The following KLHL29 variants were observed in gnomAD, a reference collection of about 807,000 sequenced individuals.
KLHL29 encodes kelch like family member 29, also known as kelch-like protein 29.
A neutral mutation model predicts 80.4 loss-of-function variants in KLHL29; 21 were observed. The ratio of observed to expected loss-of-function variants is 0.26; its 90% CI spans 0.19 to 0.38. The LOEUF (loss-of-function observed/expected upper bound fraction) is 0.38, where lower values mean the gene tolerates loss of function less well. KLHL29 is among the 10% of genes least tolerant of loss of function. The pLI, the probability that KLHL29 is intolerant of heterozygous loss-of-function variation, is 1.00. For synonymous variants in KLHL29, 511 were observed against 526.8 expected (o/e 0.97, Z 0.41); for missense variants, 867 against 1,223.9 (o/e 0.71, Z 4.35).
At chr2:23,429,837 C>A (rs1481488561) in intron 1 of KLHL29, among the ~76,000 whole-genome samples, 1 of 152,134 alleles carries the variant, frequency 6.6e-6, no homozygotes. Context: ...CCTTTCCCTT[C>A]CAACAGCTAC....
intron 1 of KLHL29, among the ~76,000 whole-genome samples, chr2:23,400,571 G>A (rs1666575526): frequency 6.6e-6 from 1 of 152,086 alleles, no homozygotes; most frequent in African/African-American, 2.4e-5. Flanking sequence ...GCTCACACCT[G>A]TAATCCTAGC....
At chr2:23,566,913 T>C (rs1044641485) in intron 3 of KLHL29, among the ~76,000 whole-genome samples, 1 of 152,230 alleles carries the variant, frequency 6.6e-6, no homozygotes, top group Non-Finnish European at 1.5e-5. Flanking sequence ...CGGGGAAACC[T>C]GTCCCCCCCT....
At position 23,606,173 on chromosome 2, in the gene KLHL29, TGA is replaced by T. The variant is rs72210004; in HGVS notation, c.286-32952_286-32951del. On this transcript the variant is annotated intron_variant, in intron 3 of 13. Coordinates refer to ENST00000486442, the MANE Select transcript of KLHL29 (RefSeq NM_052920.2). ...GTGTGTGTATGTGTGTGTGTGTGCG[TGA>T]GAGAGAGAGAGAGGGAGAGAGAGAG... 5.6e-3 allele frequency among the ~76,000 whole-genome samples: 451 copies of T among 80,354 alleles called. 7 individuals carry two copies. Among genetic ancestry groups the T allele is most frequent in the African/African-American group, 0.022 (421 of 19,462 alleles). 52.7% of individuals were successfully genotyped at this position (80,354 alleles called of 152,430 possible). A position where few individuals can be genotyped will look rare whatever the true frequency, so the allele number is the denominator to read the frequency against.
chr2:23,500,379 T>A (rs77462127), intron 2 of KLHL29, among the ~76,000 whole-genome samples: 2,028 of 152,326 alleles, frequency 0.013, 53 homozygotes, highest in African/African-American at 0.046. Context: ...TTTCCATTTA[T>A]TTTGGTGTGT....
At chr2:23,533,674 C>T (rs767994408) in intron 2 of KLHL29, among the ~76,000 whole-genome samples, 1 of 152,078 alleles carries the variant, frequency 6.6e-6, no homozygotes, top group Non-Finnish European at 1.5e-5. Context: ...AGTGTGAGGA[C>T]CCCCCACTCT....
At chr2:23,422,257 GTGTC>G (rs1191225022) in intron 1 of KLHL29, among the ~76,000 whole-genome samples, 1 of 151,834 alleles carries the variant, frequency 6.6e-6, no homozygotes, top group African/African-American at 2.4e-5. Flanking sequence ...TCATGTGTCT[GTGTC>G]TGTGTGTGCC....
intron 2 of KLHL29, among the ~76,000 whole-genome samples, chr2:23,477,326 T>C (rs1365459879): frequency 2.6e-5 from 4 of 152,248 alleles, no homozygotes; most frequent in African/African-American, 9.6e-5. Context: ...GAGAGCTTTC[T>C]CTTTGGACTC....
chr2:23,395,019 G>A (rs1666413903), intron 1 of KLHL29, among the ~76,000 whole-genome samples: 1 of 152,186 alleles, frequency 6.6e-6, no homozygotes, highest in African/African-American at 2.4e-5. Context: ...GACTCGTCTT[G>A]GGGATCATGG....
At chr2:23,691,463 G>C (rs374757708) in intron 6 of KLHL29, 25 of 596,568 alleles carry the variant, frequency 4.2e-5, no homozygotes, top group East Asian at 1.7e-4. Flanking sequence ...GTAGTGATAA[G>C]CAGGGTTTTC....
At chr2:23,662,089 A>G (rs559419924) in intron 5 of KLHL29, among the ~76,000 whole-genome samples, 120 of 152,316 alleles carry the variant, frequency 7.9e-4, no homozygotes, top group African/African-American at 2.7e-3. Flanking sequence ...GCATCAGAGC[A>G]GGGAGGGTAG....
At position 23,642,523 on chromosome 2, in the gene KLHL29, T is replaced by G; in HGVS notation, c.613T>G (p.Ser205Ala). The change falls in exon 5 of 14, where the codon TCG (serine) becomes GCG (alanine). Residue 205 changes from serine (S) to alanine (A), a missense_variant. Around this residue, in one of 2 missense-constraint regions of KLHL29, gnomAD observed 424 missense variants for 456.9 expected, o/e 0.93. Transcript: ENST00000486442. ...GCTCCCGCTGATGCCAGGCCACTAC[T>G]CGCTCCCTCAGCCGCCCTCTCAGCC... ...PQLPLMPGHY[S>A]LPQPPSQPLS... The G allele has an allele frequency of 6.5e-7, 1 of 1,534,556 alleles. No homozygotes were observed. Among genetic ancestry groups the G allele is most frequent in the South Asian group, 1.2e-5 (1 of 82,882 alleles).
At chr2:23,632,825 G>A (rs1259286703) in intron 3 of KLHL29, among the ~76,000 whole-genome samples, 3 of 152,232 alleles carry the variant, frequency 2.0e-5, no homozygotes, top group East Asian at 1.9e-4. Context: ...CCTCTGCAGC[G>A]CATGGACTCG....
intron 3 of KLHL29, among the ~76,000 whole-genome samples, chr2:23,571,784 T>G (rs1176320814): frequency 2.0e-5 from 3 of 152,204 alleles, no homozygotes; most frequent in Non-Finnish European, 4.4e-5. Flanking sequence ...GAGTTCCAGA[T>G]ATACTGAACC....
chr2:23,704,949 G>A (rs114822726), intron 13 of KLHL29, among the ~76,000 whole-genome samples: 15 of 152,376 alleles, frequency 9.8e-5, no homozygotes, highest in Admixed American at 8.5e-4. Context: ...CTACTAGCAT[G>A]TCAGTGACCT....
In KLHL29 at chr2:23,438,485, A is replaced by G. The variant is rs1435364658; in HGVS notation, c.-153-37075A>G. 4.2e-5 allele frequency among the ~76,000 whole-genome samples: 6 copies of G among 141,784 alleles called. No homozygotes were observed. The East Asian group carries it at 6.3e-4, about 15-fold the overall frequency. The allele number at this position is 141,784 out of a possible 152,430, so 93.0% of individuals were successfully genotyped here. ...CTCTTATTATTTTGAGATACGTCCC[A>G]TCAATACCTAATTTATTGAGAGTTT... is the stretch of plus-strand genomic sequence containing the variant. On this transcript the variant is annotated intron_variant, in intron 1 of 13. Coordinates refer to ENST00000486442, the MANE Select transcript of KLHL29 (RefSeq NM_052920.2).
chr2:23,524,302 G>C (rs1481348965), intron 2 of KLHL29: 2 of 199,130 alleles, frequency 1.0e-5, no homozygotes, highest in Admixed American at 1.1e-4. Flanking sequence ...CAGAAGCACA[G>C]GCGCCTGCTG....
chr2:23,530,509 C>T (rs546462918), intron 2 of KLHL29, among the ~76,000 whole-genome samples: 4 of 152,320 alleles, frequency 2.6e-5, no homozygotes, highest in South Asian at 4.1e-4. Context: ...AACATGTTAG[C>T]GTTTTCCTAC....
chr2:23,428,695 G>A (rs575850938), intron 1 of KLHL29, among the ~76,000 whole-genome samples: 1 of 152,266 alleles, frequency 6.6e-6, no homozygotes, highest in South Asian at 2.1e-4. Flanking sequence ...GTGGCCGAGT[G>A]GTGAACAATG....
chr2:23,637,435 G>A (rs531064728), intron 3 of KLHL29, among the ~76,000 whole-genome samples: 2 of 152,308 alleles, frequency 1.3e-5, no homozygotes, highest in African/African-American at 4.8e-5. Flanking sequence ...TAGAAATGGG[G>A]CAGGCCCTCT....
Sources: gnomAD v4.1 joint callset for allele counts (sites outside exome capture counted in the v4.1 genomes callset) on GRCh38, gnomAD v4.1.1 for gene constraint, gnomAD v4.1.1 regional missense constraint, MANE v1.5 for transcripts, NCBI Gene and HGNC (gene_info 2026-07-23, HGNC 2026-07-21) for gene names.